The following LRRTM4 variants were observed in gnomAD, a reference collection of about 807,000 sequenced individuals.
The protein encoded by LRRTM4 is leucine-rich repeat transmembrane neuronal protein 4.
In LRRTM4, 25 loss-of-function variants were observed where a neutral mutation model predicts 47.6. The ratio of observed to expected loss-of-function variants is 0.53; its 90% CI spans 0.38 to 0.73. The LOEUF (loss-of-function observed/expected upper bound fraction) is 0.73. Ranked by LOEUF, LRRTM4 falls within the 30% of genes least tolerant of loss-of-function variation. The pLI is 0.00. For synonymous variants in LRRTM4, 311 were observed against 269.5 expected, an observed-to-expected ratio of 1.15 and a Z score of -1.51; for missense variants, 638 against 713.4, an observed-to-expected ratio of 0.89 and a Z score of 1.20.
At chr2:77,039,702 C>T (rs891331283) in intron 3 of LRRTM4, among the ~76,000 whole-genome samples, 3 of 151,056 alleles carry the variant, frequency 2.0e-5, no homozygotes, top group African/African-American at 7.3e-5. Context: ...AGATTAGATC[C>T]TTACATTAGA....
intron 3 of LRRTM4, among the ~76,000 whole-genome samples, chr2:77,170,468 G>C (rs987061372): frequency 3.9e-5 from 6 of 152,162 alleles, no homozygotes; most frequent in African/African-American, 1.4e-4. Flanking sequence ...GTAACACAAT[G>C]CTGGTGACAC....
At chr2:77,039,686 A>G (rs1182091932) in intron 3 of LRRTM4, among the ~76,000 whole-genome samples, 2 of 151,398 alleles carry the variant, frequency 1.3e-5, no homozygotes, top group African/African-American at 2.4e-5. Flanking sequence ...GTTTATTTGT[A>G]TACACAGATT....
chr2:76,956,680 A>T (rs1260130584), intron 3 of LRRTM4, among the ~76,000 whole-genome samples: 1 of 151,212 alleles, frequency 6.6e-6, no homozygotes, highest in Admixed American at 6.6e-5. Flanking sequence ...TGAAAAATCA[A>T]TCAGTTGACA....
At chr2:76,779,828 C>T (rs370607475) in intron 3 of LRRTM4, among the ~76,000 whole-genome samples, 22 of 152,120 alleles carry the variant, frequency 1.4e-4, no homozygotes, top group African/African-American at 4.1e-4. Flanking sequence ...TTATTTTGCT[C>T]GTTAGTTGAT....
intron 3 of LRRTM4, among the ~76,000 whole-genome samples, chr2:76,960,363 T>A (rs1297463628): frequency 1.3e-5 from 2 of 151,660 alleles, no homozygotes; most frequent in African/African-American, 4.8e-5. Flanking sequence ...TGATTTTCTA[T>A]TTTTTAACTT....
At chr2:76,939,354 C>A (rs1372303722) in intron 3 of LRRTM4, among the ~76,000 whole-genome samples, 2 of 152,064 alleles carry the variant, frequency 1.3e-5, no homozygotes, top group Non-Finnish European at 1.5e-5. Context: ...TCCTAAAGGC[C>A]TTAGAATCCA....
At chr2:77,297,939 C>G (rs1400400886) in intron 3 of LRRTM4, among the ~76,000 whole-genome samples, 1 of 152,152 alleles carries the variant, frequency 6.6e-6, no homozygotes, top group Admixed American at 6.5e-5. Context: ...TTAAATCTTG[C>G]ATTGTTTCCA....
intron 3 of LRRTM4, among the ~76,000 whole-genome samples, chr2:76,966,258 A>G (rs990697366): frequency 6.6e-6 from 1 of 151,388 alleles, no homozygotes. Context: ...GAGGAATTCT[A>G]GTATCAGGTG....
At chr2:76,774,296 A>G (rs1299187005) in intron 3 of LRRTM4, among the ~76,000 whole-genome samples, 1 of 151,874 alleles carries the variant, frequency 6.6e-6, no homozygotes, top group African/African-American at 2.4e-5. Context: ...GGTTCAAGCA[A>G]TTCTCCTGCC....
chr2:77,060,236 A>G (rs186978178), intron 3 of LRRTM4, among the ~76,000 whole-genome samples: 138 of 152,326 alleles, frequency 9.1e-4, no homozygotes, highest in Admixed American at 2.4e-3. Flanking sequence ...GCCTGTAAAT[A>G]TATGCCTATA....
chr2:76,930,444 G>T (rs1316590562), intron 3 of LRRTM4, among the ~76,000 whole-genome samples: 1 of 152,028 alleles, frequency 6.6e-6, no homozygotes, highest in East Asian at 1.9e-4. Context: ...CTTCCTTTTT[G>T]CACATATTGG....
At chr2:76,897,165 T>C (rs910299526) in intron 3 of LRRTM4, among the ~76,000 whole-genome samples, 9 of 152,124 alleles carry the variant, frequency 5.9e-5, no homozygotes, top group African/African-American at 2.2e-4. Flanking sequence ...CAAGGCAAGC[T>C]TTCTGCTGAA....
chr2:76,791,843 TA>T (rs1674992459), intron 3 of LRRTM4, among the ~76,000 whole-genome samples: 1 of 152,184 alleles, frequency 6.6e-6, no homozygotes, highest in Non-Finnish European at 1.5e-5. Flanking sequence ...AACATTGTAA[TA>T]AGCTAGTTTC....
chr2:76,868,475 G>A (rs558296638), intron 3 of LRRTM4, among the ~76,000 whole-genome samples: 54 of 152,164 alleles, frequency 3.5e-4, no homozygotes, highest in African/African-American at 1.3e-3. Context: ...TACACTGTTC[G>A]TGGTTAATTT....
chr2:77,267,828 G>T (rs1048689924), intron 3 of LRRTM4, among the ~76,000 whole-genome samples: 1 of 138,920 alleles, frequency 7.2e-6, no homozygotes, highest in African/African-American at 2.7e-5. Flanking sequence ...ATGAGAAAAG[G>T]TCTTAGTATG....
chr2:77,226,383 G>GT (rs1416363225), intron 3 of LRRTM4, among the ~76,000 whole-genome samples: 1 of 151,594 alleles, frequency 6.6e-6, no homozygotes, highest in African/African-American at 2.4e-5. Context: ...ATAGGTCTAT[G>GT]TTTTTGTCAT....
At chr2:77,347,337 T>G (rs898247585) in intron 3 of LRRTM4, among the ~76,000 whole-genome samples, 1 of 152,136 alleles carries the variant, frequency 6.6e-6, no homozygotes, top group Non-Finnish European at 1.5e-5. Flanking sequence ...CTTTAATCAC[T>G]TCATTTAAAT....
At chr2:76,873,516 A>ATATATATATATG in intron 3 of LRRTM4, among the ~76,000 whole-genome samples, 1 of 145,648 alleles carries the variant, frequency 6.9e-6, no homozygotes, top group African/African-American at 2.5e-5. Context: ...GTATATATAT[A>ATATATATATATG]TATATATATA....
At chr2:76,749,321 T>C (rs1040322469) in intron 3 of LRRTM4, among the ~76,000 whole-genome samples, 1 of 151,996 alleles carries the variant, frequency 6.6e-6, no homozygotes, top group African/African-American at 2.4e-5. Flanking sequence ...AGTAGAAAAA[T>C]AATTAAGGTG....
Sources: gnomAD v4.1 joint callset for allele counts (sites outside exome capture counted in the v4.1 genomes callset) on GRCh38, gnomAD v4.1.1 for gene constraint, MANE v1.5 for transcripts, NCBI Gene and HGNC (gene_info 2026-07-23, HGNC 2026-07-21) for gene names.